Variants in PCNX2 observed in about 807,000 individuals in gnomAD.
The protein encoded by PCNX2 is pecanex-like protein 2.
Under a neutral mutation model 223.8 loss-of-function variants are expected in PCNX2, and 168 were observed. That is an observed-to-expected ratio of 0.75 (90% CI 0.66 to 0.85). The LOEUF is 0.85. Among genes scored for constraint, PCNX2 ranks in the 40% least tolerant of loss-of-function variants. The probability of loss-of-function intolerance (pLI) is 0.00; values close to 1 mark genes in which losing one functional copy is unlikely to be tolerated. For synonymous variants in PCNX2, 1,006 were observed against 1,052.6 expected (o/e 0.96, Z 0.86); for missense variants, 2,507 against 2,675.5 (o/e 0.94, Z 1.39).
At chr1:233,138,209 C>T (rs956590009) in intron 20 of PCNX2, among the ~76,000 whole-genome samples, 10 of 152,120 alleles carry the variant, frequency 6.6e-5, no homozygotes, top group African/African-American at 1.9e-4. Context: ...ATATAGATAA[C>T]GTGCACCTTT....
At chr1:233,052,138 C>T (rs549944078) in intron 25 of PCNX2, among the ~76,000 whole-genome samples, 29 of 152,008 alleles carry the variant, frequency 1.9e-4, no homozygotes, top group Admixed American at 1.2e-3. Flanking sequence ...GAAAAGTGCA[C>T]GGAATGCACA....
chr1:233,163,501 T>C (rs531638805), intron 17 of PCNX2, among the ~76,000 whole-genome samples: 2 of 151,836 alleles, frequency 1.3e-5, no homozygotes, highest in African/African-American at 4.8e-5. Flanking sequence ...AGTAAAAGTA[T>C]ACAACTTAAC....
rs562457888 is a variant in PCNX2, at chr1:233,187,755, C to G, written c.3067-8580G>C. On this transcript the variant is annotated intron_variant, in intron 15 of 33. Transcript: ENST00000258229. ...AGGAAGGGAAGCATGGCAGAAAGCACGAGCTGGCTGGCTGAGATCGGTTTC... is the reference window on the plus strand; with the variant it reads ...AGGAAGGGAAGCATGGCAGAAAGCAGGAGCTGGCTGGCTGAGATCGGTTTC... Among the ~76,000 whole-genome samples the G allele has an allele frequency of 1.4e-4, 22 of 152,242 alleles. No homozygotes were observed. The East Asian group carries it at 4.1e-3, about 28-fold the overall frequency.
chr1:233,011,519 G>C (rs958025973), intron 28 of PCNX2, among the ~76,000 whole-genome samples: 1 of 152,188 alleles, frequency 6.6e-6, no homozygotes, highest in Non-Finnish European at 1.5e-5. Context: ...GCTGCACAGA[G>C]AGGCCAAGAA....
At chr1:233,217,979 G>T (rs1403659365) in intron 11 of PCNX2, 48 bp from the exon 12 acceptor site, 1 of 1,613,272 alleles carries the variant, frequency 6.2e-7, no homozygotes, top group Non-Finnish European at 8.5e-7. Flanking sequence ...ATGATTTCAA[G>T]GCTACATTAG....
chr1:233,069,503 A>G (rs1672756569), intron 23 of PCNX2, among the ~76,000 whole-genome samples: 1 of 152,158 alleles, frequency 6.6e-6, no homozygotes, highest in Non-Finnish European at 1.5e-5. Flanking sequence ...GAAATCATAC[A>G]GAGTTTGTTC....
chr1:233,293,047 A>C (rs1661863223), intron 1 of PCNX2, among the ~76,000 whole-genome samples: 1 of 152,226 alleles, frequency 6.6e-6, no homozygotes, highest in African/African-American at 2.4e-5. Context: ...AAATTAATGA[A>C]GGACAATTTC....
intron 21 of PCNX2, among the ~76,000 whole-genome samples, chr1:233,103,558 T>C (rs1468132029): frequency 6.6e-6 from 1 of 152,138 alleles, no homozygotes; most frequent in Non-Finnish European, 1.5e-5. Context: ...TGTGCCCAGC[T>C]TTTTTTACTT....
At chr1:233,245,788 C>A (rs1015017448) in intron 8 of PCNX2, among the ~76,000 whole-genome samples, 2 of 152,104 alleles carry the variant, frequency 1.3e-5, no homozygotes, top group African/African-American at 4.8e-5. Context: ...TGGTGGCGCG[C>A]GCCTGTAATC....
chr1:233,258,702 A>G lies in PCNX2; in HGVS notation c.1160T>C (p.Met387Thr), dbSNP rs1184302188. Reference protein sequence around the residue: ...VITMSSTPNSMTDLESSLHLR... With the variant: ...VITMSSTPNSTTDLESSLHLR... ...GTGGAGGGAGCTTTCCAAATCTGTCATGGAGTTTGGGGTACTGCTCATCGT... is the reference window on the plus strand; with the variant it reads ...GTGGAGGGAGCTTTCCAAATCTGTCGTGGAGTTTGGGGTACTGCTCATCGT... The change falls in exon 5 of 34, where the codon ATG (methionine) becomes ACG (threonine). Residue 387 changes from methionine to threonine, a missense_variant. Transcript: ENST00000258229. 6.2e-7 allele frequency: 1 copy of G among 1,613,808 alleles called. No individual in the cohort carries two copies. Among genetic ancestry groups the G allele is most frequent in the Non-Finnish European group, 8.5e-7 (1 of 1,179,880 alleles).
At chr1:233,187,900 G>A (rs984224196) in intron 15 of PCNX2, among the ~76,000 whole-genome samples, 1 of 152,122 alleles carries the variant, frequency 6.6e-6, no homozygotes, top group Non-Finnish European at 1.5e-5. Flanking sequence ...ATAATGTGAA[G>A]TCTGATATAA....
chr1:233,218,239 G>T (rs879075763), intron 10 of PCNX2, 55 bp from the exon 11 acceptor site: 2,891 of 559,566 alleles, frequency 5.2e-3, no homozygotes, highest in Non-Finnish European at 6.6e-3. Flanking sequence ...AAAAGTGTAA[G>T]TTTTGCCTTT....
chr1:233,189,263 T>G (rs934555768), intron 15 of PCNX2, among the ~76,000 whole-genome samples: 1 of 152,186 alleles, frequency 6.6e-6, no homozygotes, highest in Non-Finnish European at 1.5e-5. Context: ...ATCGATTACA[T>G]GGAGATATAG....
intron 21 of PCNX2, among the ~76,000 whole-genome samples, chr1:233,111,886 T>C (rs1675137456): frequency 6.6e-6 from 1 of 152,212 alleles, no homozygotes; most frequent in South Asian, 2.1e-4. Context: ...GCCTCAGGTA[T>C]TGTTCCAGTT....
At position 233,231,105 on chromosome 1, in the gene PCNX2, G is replaced by A. The variant is rs549039974; in HGVS notation, c.2359-3734C>T. On this transcript the variant is annotated intron_variant, in intron 9 of 33. Coordinates refer to ENST00000258229, the MANE Select transcript of PCNX2 (RefSeq NM_014801.4). ...AGAAACTGAGGCTCTGAGAGATTAGGCCACTGGCCCAAGGTCCTAGATTAG... is the reference window on the plus strand; with the variant it reads ...AGAAACTGAGGCTCTGAGAGATTAGACCACTGGCCCAAGGTCCTAGATTAG... Among the ~76,000 whole-genome samples the A allele has an allele frequency of 1.2e-4, 18 of 152,196 alleles. 2 individuals carry two copies. In the South Asian group the frequency reaches 3.7e-3, roughly 32 times the overall value.
chr1:233,187,872 C>A (rs977622157), intron 15 of PCNX2, among the ~76,000 whole-genome samples: 3 of 152,086 alleles, frequency 2.0e-5, no homozygotes, highest in East Asian at 1.9e-4. Flanking sequence ...AGAAATGATA[C>A]AATTCTAGCC....
At chr1:233,109,892 A>G (rs1675015636) in intron 21 of PCNX2, among the ~76,000 whole-genome samples, 1 of 152,206 alleles carries the variant, frequency 6.6e-6, no homozygotes, top group South Asian at 2.1e-4. Flanking sequence ...AGGCGGGCAA[A>G]TCACCTGAGG....
intron 23 of PCNX2, among the ~76,000 whole-genome samples, chr1:233,068,213 A>G (rs1464821255): frequency 6.6e-6 from 1 of 152,212 alleles, no homozygotes; most frequent in African/African-American, 2.4e-5. Flanking sequence ...TCCTATATAC[A>G]GTGAAGATAT....
intron 19 of PCNX2, among the ~76,000 whole-genome samples, chr1:233,154,240 A>T (rs1289972300): frequency 2.4e-4 from 36 of 152,032 alleles, no homozygotes; most frequent in Non-Finnish European, 7.4e-5. Context: ...CACCAAGTCG[A>T]ACTAATTTTT....
Sources: gnomAD v4.1 joint callset for allele counts (sites outside exome capture counted in the v4.1 genomes callset) on GRCh38, gnomAD v4.1.1 for gene constraint, MANE v1.5 for transcripts, NCBI Gene and HGNC (gene_info 2026-07-23, HGNC 2026-07-21) for gene names.